The following RGS6 variants were observed in gnomAD, a reference collection of about 807,000 sequenced individuals.
RGS6 encodes the protein regulator of G-protein signaling 6.
RGS6 carries 30 observed loss-of-function variants against 78.5 expected under a neutral mutation model. The observed-to-expected ratio is 0.38, with a 90% confidence interval of 0.29 to 0.52. The LOEUF (loss-of-function observed/expected upper bound fraction) is 0.52, where lower values mean the gene tolerates loss of function less well. Among genes scored for constraint, RGS6 ranks in the 20% least tolerant of loss-of-function variants. RGS6 has a pLI of 0.85. For missense variants in RGS6, 495 were observed against 609.7 expected, an observed-to-expected ratio of 0.81 and a Z score of 1.98; for synonymous variants, 206 against 206.0, an observed-to-expected ratio of 1.00 and a Z score of 0.00.
chr14:72,017,883 C>G (rs564184971), intron 2 of RGS6, among the ~76,000 whole-genome samples: 1 of 152,176 alleles, frequency 6.6e-6, no homozygotes, highest in South Asian at 2.1e-4. Flanking sequence ...CATCCTATCG[C>G]CTAGGTATTA....
intron 16 of RGS6, among the ~76,000 whole-genome samples, chr14:72,539,116 C>A (rs551937571): frequency 9.1e-4 from 139 of 152,288 alleles, no homozygotes; most frequent in Non-Finnish European, 7.4e-5. Flanking sequence ...ACCCCTGCAG[C>A]TAGGAAATGT....
At chr14:72,171,474 C>T (rs1347959442) in intron 2 of RGS6, among the ~76,000 whole-genome samples, 1 of 152,146 alleles carries the variant, frequency 6.6e-6, no homozygotes, top group African/African-American at 2.4e-5. Context: ...TTGAGGGTGC[C>T]CTCAAGGCGT....
At chr14:71,973,449 C>T (rs1048534698) in intron 2 of RGS6, among the ~76,000 whole-genome samples, 3 of 151,778 alleles carry the variant, frequency 2.0e-5, no homozygotes, top group Non-Finnish European at 4.4e-5. Flanking sequence ...CTTTGGAAGG[C>T]CAAGGCAGGC....
At chr14:71,967,228 A>G (rs1287320352) in intron 2 of RGS6, among the ~76,000 whole-genome samples, 1 of 147,890 alleles carries the variant, frequency 6.8e-6, no homozygotes, top group Non-Finnish European at 1.5e-5. Flanking sequence ...TTTATTTGCT[A>G]TATTAATTAC....
chr14:72,200,034 T>G (rs763507), intron 2 of RGS6, among the ~76,000 whole-genome samples: 66,222 of 151,990 alleles, frequency 0.44, 14,822 homozygotes, highest in Middle Eastern at 0.57. Flanking sequence ...TAACCATTTC[T>G]GCACTGTGCT....
At chr14:72,375,939 T>C (rs1427383233) in intron 3 of RGS6, among the ~76,000 whole-genome samples, 2 of 152,042 alleles carry the variant, frequency 1.3e-5, no homozygotes, top group African/African-American at 2.4e-5. Flanking sequence ...TAGAAATCAA[T>C]GTAGGGACAC....
chr14:72,012,937 T>A (rs982855686), intron 2 of RGS6, among the ~76,000 whole-genome samples: 1 of 152,140 alleles, frequency 6.6e-6, no homozygotes, highest in Non-Finnish European at 1.5e-5. Context: ...GTATTTCTCT[T>A]GTCAAGTAAG....
At chr14:71,926,603 A>AAAAAAAAAAAG in the RGS6 span, among the ~76,000 whole-genome samples, 2 of 151,662 alleles carry the variant, frequency 1.3e-5, no homozygotes, top group Non-Finnish European at 2.9e-5. Flanking sequence ...AAAAAAAAAA[A>AAAAAAAAAAAG]AGAGTATCAA....
intron 3 of RGS6, among the ~76,000 whole-genome samples, chr14:72,435,449 G>T (rs2094858403): frequency 1.3e-5 from 2 of 152,168 alleles, no homozygotes; most frequent in South Asian, 4.1e-4. Context: ...GTGTGGTCAG[G>T]TTACTAAGAT....
the RGS6 span, among the ~76,000 whole-genome samples, chr14:71,916,524 G>A: frequency 6.6e-6 from 1 of 152,186 alleles, no homozygotes; most frequent in African/African-American, 2.4e-5. Context: ...TGTGCTTTGA[G>A]GATTGAAAAG....
intron 2 of RGS6, among the ~76,000 whole-genome samples, chr14:72,304,878 C>CA (rs2066888470): frequency 4.5e-5 from 4 of 89,002 alleles, no homozygotes; most frequent in Non-Finnish European, 8.7e-5. Context: ...GATTCTGTCT[C>CA]AAAAAAATAA....
chr14:72,507,019 A>AAAAAG (rs2096814120), intron 13 of RGS6, among the ~76,000 whole-genome samples: 1 of 136,238 alleles, frequency 7.3e-6, no homozygotes, highest in Non-Finnish European at 1.6e-5. Context: ...AAAAAAAAAA[A>AAAAAG]TTAGCTGGCC....
At position 72,419,882 on chromosome 14, in the gene RGS6, C is replaced by T. The variant is rs150036081; in HGVS notation, c.185-34646C>T. On this transcript the variant is annotated intron_variant, in intron 3 of 17. Coordinates refer to ENST00000553525, the MANE Select transcript of RGS6 (RefSeq NM_001204424.2). ...TTAAAAACATAGAAATGCAGTGGAACGGGAAGAAGGACATTCTAGGTGGAG... is the reference window on the plus strand; with the variant it reads ...TTAAAAACATAGAAATGCAGTGGAATGGGAAGAAGGACATTCTAGGTGGAG... Among the ~76,000 whole-genome samples the T allele has an allele frequency of 3.2e-3, 484 of 152,180 alleles. 1 individual carries two copies. Among genetic ancestry groups the T allele is most frequent in the African/African-American group, 4.0e-3 (166 of 41,522 alleles).
chr14:72,456,729 G>A (rs774146572), intron 4 of RGS6, among the ~76,000 whole-genome samples: 4 of 152,128 alleles, frequency 2.6e-5, no homozygotes, highest in Non-Finnish European at 5.9e-5. Flanking sequence ...AGCAACTGCT[G>A]ATGATGAAAC....
the RGS6 span, among the ~76,000 whole-genome samples, chr14:72,574,074 G>T: frequency 6.6e-6 from 1 of 152,174 alleles, no homozygotes; most frequent in Non-Finnish European, 1.5e-5. Context: ...GACATGCCCA[G>T]TGGTTTGGAA....
At chr14:72,583,244 C>T in the RGS6 span, among the ~76,000 whole-genome samples, 2 of 152,230 alleles carry the variant, frequency 1.3e-5, no homozygotes, top group African/African-American at 2.4e-5. Flanking sequence ...CCCTTGTTCT[C>T]CAGCTCTCAG....
At chr14:72,537,608 C>A in intron 16 of RGS6, 1 of 701,578 alleles carries the variant, frequency 1.4e-6, no homozygotes, top group East Asian at 2.7e-5. Context: ...TTGGAGGAGG[C>A]CGACACCCTC....
At chr14:72,265,093 G>A (rs1390390819) in intron 2 of RGS6, among the ~76,000 whole-genome samples, 1 of 152,200 alleles carries the variant, frequency 6.6e-6, no homozygotes, top group Non-Finnish European at 1.5e-5. Context: ...CATTAGAATT[G>A]TGAAAATTCA....
chr14:72,084,937 C>T (rs887460126), intron 2 of RGS6, among the ~76,000 whole-genome samples: 30 of 152,040 alleles, frequency 2.0e-4, no homozygotes, highest in African/African-American at 5.8e-4. Context: ...TGTGTTTGTG[C>T]GTTTGGTGCT....
Sources: allele counts gnomAD v4.1 joint callset (sites outside exome capture counted in the v4.1 genomes callset), GRCh38; gene constraint gnomAD v4.1.1; transcripts MANE v1.5; gene names NCBI Gene and HGNC (gene_info 2026-07-23, HGNC 2026-07-21).